DPYD: variants seen among roughly 807,000 people sequenced by gnomAD.
The protein encoded by DPYD is dihydropyrimidine dehydrogenase [NADP(+)].
Under a neutral mutation model 116.2 loss-of-function variants are expected in DPYD, and 109 were observed. That is an observed-to-expected ratio of 0.94 (90% CI 0.80 to 1.10). DPYD has a LOEUF of 1.10. Among genes scored for constraint, DPYD ranks in the 50% least tolerant of loss-of-function variants. The probability of loss-of-function intolerance (pLI) is 0.00; values close to 1 mark genes in which losing one functional copy is unlikely to be tolerated. For missense variants in DPYD, 1,302 were observed against 1,254.5 expected (o/e 1.04, Z -0.57); for synonymous variants, 440 against 432.0 (o/e 1.02, Z -0.23).
chr1:97,694,855 A>C (rs1405461412), intron 6 of DPYD, among the ~76,000 whole-genome samples: 2 of 152,242 alleles, frequency 1.3e-5, no homozygotes, highest in African/African-American at 4.8e-5. Context: ...AAATAAAAAA[A>C]ATTCTCTGGT....
chr1:97,690,217 C>T (rs1660943303), intron 7 of DPYD, among the ~76,000 whole-genome samples: 1 of 151,826 alleles, frequency 6.6e-6, no homozygotes, highest in African/African-American at 2.4e-5. Flanking sequence ...ATAGACTTTG[C>T]CAAAGATATC....
At chr1:97,276,676 C>CAAAAA (rs36074078) in intron 18 of DPYD, among the ~76,000 whole-genome samples, 1 of 116,632 alleles carries the variant, frequency 8.6e-6, no homozygotes, top group Non-Finnish European at 1.9e-5. Context: ...GACTCTGTCT[C>CAAAAA]AAAAAAAAAA....
At chr1:97,845,484 C>T (rs1348794283) in intron 2 of DPYD, among the ~76,000 whole-genome samples, 3 of 152,158 alleles carry the variant, frequency 2.0e-5, no homozygotes, top group South Asian at 4.1e-4. Context: ...CTCATTAGGA[C>T]GACCTGCCTG....
intron 3 of DPYD, among the ~76,000 whole-genome samples, chr1:97,778,993 A>G (rs1015522730): frequency 6.6e-6 from 1 of 152,126 alleles, no homozygotes; most frequent in African/African-American, 2.4e-5. Context: ...TTCTGTTATA[A>G]AAATAAACCT....
chr1:97,079,016 G>A lies in DPYD; in HGVS notation c.3038C>T (p.Pro1013Leu), dbSNP rs1648970686. The A allele has an allele frequency of 6.2e-7, 1 of 1,613,662 alleles. No individual in the cohort carries two copies. Among genetic ancestry groups the A allele is most frequent in the Non-Finnish European group, 8.5e-7 (1 of 1,179,692 alleles). The stretch of plus-strand genomic sequence containing the variant: ...CACAGATAAGGGTACGCCTCTCTTT[G>A]GTTCATAAGGTGTTGTCCTGGAAAC... ...KMVSRTTPYEPKRGVPLSVNP... is the reference protein window; with the variant it reads ...KMVSRTTPYELKRGVPLSVNP... Residue 1013 changes from proline (P) to leucine (L), a missense_variant, in exon 23 of 23, where the codon CCA (proline) becomes CTA (leucine). By Grantham distance (98) the Pro-to-Leu change is moderately conservative (BLOSUM62 -3). Coordinates refer to ENST00000370192, the MANE Select transcript of DPYD (RefSeq NM_000110.4).
chr1:97,221,913 T>C (rs1660806720), intron 19 of DPYD, among the ~76,000 whole-genome samples: 1 of 152,056 alleles, frequency 6.6e-6, no homozygotes, highest in Non-Finnish European at 1.5e-5. Context: ...GAGTAGTTAC[T>C]ACATTACCTC....
intron 8 of DPYD, among the ~76,000 whole-genome samples, chr1:97,633,946 GA>G: frequency 6.6e-6 from 1 of 152,114 alleles, no homozygotes; most frequent in Non-Finnish European, 1.5e-5. Flanking sequence ...CCAGGCTAGG[GA>G]GGGAGAGCCT....
intron 3 of DPYD, among the ~76,000 whole-genome samples, chr1:97,759,745 T>C (rs1380278723): frequency 1.3e-5 from 2 of 152,158 alleles, no homozygotes; most frequent in African/African-American, 4.8e-5. Flanking sequence ...ATGATTCTGA[T>C]TTAATTCACT....
intron 8 of DPYD, among the ~76,000 whole-genome samples, chr1:97,671,443 G>C (rs1314526464): frequency 1.3e-5 from 2 of 152,096 alleles, no homozygotes; most frequent in African/African-American, 4.8e-5. Flanking sequence ...AAGTAGGAAT[G>C]ACTTAAGAGT....
intron 19 of DPYD, among the ~76,000 whole-genome samples, chr1:97,204,421 T>C (rs1659454932): frequency 6.6e-6 from 1 of 152,092 alleles, no homozygotes; most frequent in African/African-American, 2.4e-5. Context: ...ACAAATGCAA[T>C]GTCCAAAGAA....
chr1:97,317,162 T>C (rs905133602), intron 16 of DPYD, among the ~76,000 whole-genome samples: 4 of 152,108 alleles, frequency 2.6e-5, no homozygotes, highest in Non-Finnish European at 5.9e-5. Context: ...ATATTATTTA[T>C]CTTTAAATTA....
At chr1:97,904,040 C>T (rs531004961) in intron 1 of DPYD, among the ~76,000 whole-genome samples, 5 of 151,940 alleles carry the variant, frequency 3.3e-5, no homozygotes, top group Admixed American at 3.3e-4. Flanking sequence ...TTAAAATCAG[C>T]AACAGAGGCT....
At chr1:97,566,283 C>T (rs1473484812) in intron 11 of DPYD, among the ~76,000 whole-genome samples, 1 of 152,098 alleles carries the variant, frequency 6.6e-6, no homozygotes, top group East Asian at 1.9e-4. Context: ...ATCCCTGAAA[C>T]GTATCTTTAA....
At chr1:97,861,262 T>C (rs1671101857) in intron 2 of DPYD, among the ~76,000 whole-genome samples, 1 of 151,886 alleles carries the variant, frequency 6.6e-6, no homozygotes, top group African/African-American at 2.4e-5. Context: ...AAGCTGAGTA[T>C]AGCAAAAGAA....
At chr1:97,302,811 C>T (rs1462577349) in intron 18 of DPYD, among the ~76,000 whole-genome samples, 1 of 151,978 alleles carries the variant, frequency 6.6e-6, no homozygotes, top group Non-Finnish European at 1.5e-5. Context: ...ATTTCTTATT[C>T]TATTTCATTA....
rs1411946304 is a variant in DPYD at position 97,234,941 on chromosome 1, G to T, written c.2353C>A (p.Leu785Met). 6.2e-7 allele frequency: 1 copy of T among 1,613,940 alleles called. No homozygotes were observed. Among genetic ancestry groups the T allele is most frequent in the Non-Finnish European group, 8.5e-7 (1 of 1,179,992 alleles). Residue 785 changes from leucine (L) to methionine (M), a missense_variant, in exon 19 of 23, where the codon CTG becomes ATG. Physicochemically the swap from Leu to Met is conservative, Grantham distance 15. Coordinates refer to ENST00000370192, the MANE Select transcript of DPYD (RefSeq NM_000110.4). Reference protein sequence around the residue: ...LRAVTSIARALPGFPILATGG... With the variant: ...LRAVTSIARAMPGFPILATGG... ...GTAGCCAAAATGGGAAATCCAGGCA[G>T]AGCACGAGCAATGGAGGTCACAGCT...
At chr1:97,542,914 C>G (rs1201684329) in intron 12 of DPYD, among the ~76,000 whole-genome samples, 1 of 152,150 alleles carries the variant, frequency 6.6e-6, no homozygotes, top group Non-Finnish European at 1.5e-5. Context: ...TGTTAAGACT[C>G]TATACATCAG....
Position 97,562,256 on chromosome 1 carries a change from T to C in DPYD, c.1339+11504A>G, listed in dbSNP as rs533307808. On this transcript the variant is annotated intron_variant, in intron 11 of 22. Coordinates refer to ENST00000370192, the MANE Select transcript of DPYD (RefSeq NM_000110.4). ...TTTAGATTCCAAAGTATGAGAGTAA[T>C]GTGATGAGACTGGTGATGTAAAGTT... is the stretch of plus-strand genomic sequence containing the variant. Among the ~76,000 whole-genome samples, 3 of 152,296 alleles carry C rather than the reference T, an allele frequency of 2.0e-5. No homozygotes were observed. In the South Asian group the frequency reaches 6.2e-4, roughly 32 times the overall value.
intron 14 of DPYD, among the ~76,000 whole-genome samples, chr1:97,439,105 T>C (rs1675617447): frequency 6.6e-6 from 1 of 152,138 alleles, no homozygotes; most frequent in Admixed American, 6.5e-5. Flanking sequence ...TTTTAATTTC[T>C]TCAAATTTTT....
Sources: gnomAD v4.1 joint callset for allele counts (sites outside exome capture counted in the v4.1 genomes callset) on GRCh38, gnomAD v4.1.1 for gene constraint, MANE v1.5 for transcripts, NCBI Gene and HGNC (gene_info 2026-07-23, HGNC 2026-07-21) for gene names.